Variants in SEPTIN10 observed in about 807,000 individuals in gnomAD.
SEPTIN10 encodes the protein septin-10.
Under a neutral mutation model 54.8 loss-of-function variants are expected in SEPTIN10, and 66 were observed. The ratio of observed to expected loss-of-function variants is 1.21; its 90% CI spans 0.99 to 1.48. The LOEUF is 1.48. Among genes scored for constraint, SEPTIN10 ranks in the 40% most tolerant of loss-of-function variants. SEPTIN10 has a pLI of 0.00. For missense variants in SEPTIN10, 620 were observed against 545.6 expected (o/e 1.14, Z -1.36); for synonymous variants, 161 against 181.0 (o/e 0.89, Z 0.89).
Position 109,553,220 on chromosome 2 carries a change from C to T in SEPTIN10, c.1029-1G>A. 6.2e-7 allele frequency: 1 copy of T among 1,613,284 alleles called. No homozygotes were observed. Among genetic ancestry groups the T allele is most frequent in the Non-Finnish European group, 8.5e-7 (1 of 1,179,888 alleles). Reference sequence around the variant, plus strand: ...TTTGGCTTCATAGGTCTCTTGAACACTAAAAAGTTATTTGTGTTACTCTCC... The same window carrying T: ...TTTGGCTTCATAGGTCTCTTGAACATTAAAAAGTTATTTGTGTTACTCTCC... On this transcript the variant is annotated splice_acceptor_variant, in intron 8 of 10. Transcript: ENST00000397712. LOFTEE classifies it high-confidence loss of function.
intron 4 of SEPTIN10, among the ~76,000 whole-genome samples, chr2:109,579,083 AG>A (rs1286980755): frequency 6.6e-6 from 1 of 152,248 alleles, no homozygotes; most frequent in Admixed American, 6.5e-5. Flanking sequence ...AACTATTATC[AG>A]GAAAGACAGA....
At chr2:109,575,256 C>T (rs760905022) in intron 4 of SEPTIN10, among the ~76,000 whole-genome samples, 33 of 152,176 alleles carry the variant, frequency 2.2e-4, no homozygotes, top group Non-Finnish European at 4.0e-4. Context: ...TTACTGGTAC[C>T]TGGCTTATTA....
At chr2:109,611,623 G>C (rs1389266978) in intron 1 of SEPTIN10, among the ~76,000 whole-genome samples, 3 of 151,584 alleles carry the variant, frequency 2.0e-5, no homozygotes, top group African/African-American at 7.3e-5. Context: ...AGCCGGCTGT[G>C]GTGGTGCACA....
intron 8 of SEPTIN10, among the ~76,000 whole-genome samples, chr2:109,554,197 A>G (rs1198564280): frequency 6.6e-6 from 1 of 152,168 alleles, no homozygotes; most frequent in Non-Finnish European, 1.5e-5. Context: ...ATTATGGTGG[A>G]GGTGAAATCA....
intron 1 of SEPTIN10, chr2:109,605,033 A>G (rs1407932168): frequency 6.6e-6 from 1 of 152,212 alleles, no homozygotes; most frequent in Admixed American, 6.5e-5. Flanking sequence ...TGGATCCCTC[A>G]AAGAACTTTT....
intron 1 of SEPTIN10, among the ~76,000 whole-genome samples, chr2:109,593,626 G>A (rs1055766263): frequency 1.3e-5 from 2 of 151,914 alleles, no homozygotes; most frequent in East Asian, 1.9e-4. Flanking sequence ...GGCTGGTCTC[G>A]AACTTCTGAC....
rs558534829 is a variant in SEPTIN10 at position 109,547,989 on chromosome 2, C to G, written c.1162-1752G>C. Among the ~76,000 whole-genome samples the G allele has an allele frequency of 3.9e-5, 6 of 152,196 alleles. 1 individual carries two copies. Among genetic ancestry groups the G allele is most frequent in the African/African-American group, 1.4e-4 (6 of 41,524 alleles). ...CGTCTCCCTGAGGATTACTTAGGAG[C>G]TATGTCTTTTTCATTTTTATACCCC... On this transcript the variant is annotated intron_variant, in intron 9 of 10. Coordinates refer to ENST00000397712, the MANE Select transcript of SEPTIN10 (RefSeq NM_144710.5).
At chr2:109,556,210 G>A (rs1327860820) in intron 8 of SEPTIN10, among the ~76,000 whole-genome samples, 1 of 152,136 alleles carries the variant, frequency 6.6e-6, no homozygotes, top group East Asian at 1.9e-4. Context: ...GGTATAATAA[G>A]CCTTCTTATA....
At chr2:109,575,768 T>C (rs547249793) in intron 4 of SEPTIN10, among the ~76,000 whole-genome samples, 4 of 152,346 alleles carry the variant, frequency 2.6e-5, no homozygotes, top group South Asian at 2.1e-4. Flanking sequence ...AGCCCTATAA[T>C]GAACCAGTAC....
intron 4 of SEPTIN10, among the ~76,000 whole-genome samples, chr2:109,577,667 C>T (rs1044925890): frequency 1.3e-5 from 2 of 151,390 alleles, no homozygotes; most frequent in African/African-American, 4.8e-5. Context: ...AATCCCAGCA[C>T]TTTGGGAGGC....
At chr2:109,575,637 C>A (rs976796779) in intron 4 of SEPTIN10, among the ~76,000 whole-genome samples, 3 of 152,190 alleles carry the variant, frequency 2.0e-5, no homozygotes, top group African/African-American at 7.2e-5. Flanking sequence ...AAACCACTGC[C>A]TTTGCAATTC....
At position 109,544,240 on chromosome 2, in the gene SEPTIN10, C is replaced by G. The variant is rs1476457703; in HGVS notation, c.*69G>C. On this transcript the variant is annotated 3_prime_UTR_variant, in exon 11 of 11. Coordinates refer to ENST00000397712, the MANE Select transcript of SEPTIN10 (RefSeq NM_144710.5). The stretch of plus-strand genomic sequence containing the variant: ...AAAACAAATAACAGCAAAATCAAAG[C>G]ACACTTCTAGTTTTTTTTTAATAAA... The G allele has an allele frequency of 6.2e-7, 1 of 1,612,074 alleles. No homozygotes were observed. The highest frequency in any genetic ancestry group is 8.5e-7 in the Non-Finnish European group (1 of 1,179,312).
At chr2:109,574,374 G>C (rs1055184563) in intron 5 of SEPTIN10, among the ~76,000 whole-genome samples, 1 of 148,478 alleles carries the variant, frequency 6.7e-6, no homozygotes, top group Non-Finnish European at 1.5e-5. Flanking sequence ...TGAGCCCACG[G>C]GTTTGAGGCT....
At chr2:109,546,335 C>T (rs1326719672) in intron 9 of SEPTIN10, 98 bp from the exon 10 acceptor site, 16 of 681,968 alleles carry the variant, frequency 2.3e-5, no homozygotes, top group Non-Finnish European at 3.5e-5. Flanking sequence ...TAGCGCAACA[C>T]AGAATAACCT....
chr2:109,568,866 T>C (rs1687696378), intron 5 of SEPTIN10, among the ~76,000 whole-genome samples: 1 of 152,114 alleles, frequency 6.6e-6, no homozygotes, highest in East Asian at 1.9e-4. Context: ...TGTACTACTA[T>C]CTTAAAAGTG....
At chr2:109,584,253 G>C (rs1691908534) in intron 4 of SEPTIN10, among the ~76,000 whole-genome samples, 1 of 152,126 alleles carries the variant, frequency 6.6e-6, no homozygotes, top group Non-Finnish European at 1.5e-5. Flanking sequence ...GAGGTGGGTA[G>C]ATCACCTGAG....
chr2:109,564,370 C>G lies in SEPTIN10; in HGVS notation c.1024G>C (p.Val342Leu). ...FTDVGPENKP[V>L]SVQETYEAKR... is the part of the protein sequence containing the mutation. ...TTCCCAAGAACCCCACCCTACCTGA[C>G]TGGCTTGTTTTCTGGGCCCACATCT... is the stretch of plus-strand genomic sequence containing the variant. The change falls in exon 8 of 11, where the codon GTC becomes CTC. Residue 342 changes from valine (V) to leucine (L), a missense_variant. Val to Leu is a conservative substitution (Grantham distance 32). Transcript: ENST00000397712. 6.4e-7 allele frequency: 1 copy of G among 1,553,566 alleles called. No homozygotes were observed. The highest frequency in any genetic ancestry group is 8.7e-7 in the Non-Finnish European group (1 of 1,146,380).
intron 5 of SEPTIN10, among the ~76,000 whole-genome samples, 167 bp from the exon 6 acceptor site, chr2:109,568,143 T>C (rs1687518994): frequency 1.3e-5 from 2 of 152,078 alleles, no homozygotes; most frequent in East Asian, 3.9e-4. Context: ...TACATAAAGA[T>C]TTACAGGAAC....
At chr2:109,599,154 GA>G (rs918992834) in intron 1 of SEPTIN10, among the ~76,000 whole-genome samples, 29 of 151,684 alleles carry the variant, frequency 1.9e-4, no homozygotes, top group Admixed American at 1.6e-3. Flanking sequence ...TTACAACCCA[GA>G]AAAAAAAGAA....
Sources: gnomAD v4.1 joint callset for allele counts (sites outside exome capture counted in the v4.1 genomes callset) on GRCh38, gnomAD v4.1.1 for gene constraint, MANE v1.5 for transcripts, NCBI Gene and HGNC (gene_info 2026-07-23, HGNC 2026-07-21) for gene names.